The following TNFSF4 variants were observed in gnomAD, a reference collection of about 807,000 sequenced individuals.
TNFSF4 encodes tumor necrosis factor ligand superfamily member 4.
Under a neutral mutation model 7.3 loss-of-function variants are expected in TNFSF4, and 4 were observed. The ratio of observed to expected loss-of-function variants is 0.55; its 90% confidence interval spans 0.27 to 1.25. TNFSF4 has a LOEUF of 1.25. TNFSF4 is among the 50% of genes most tolerant of loss of function. The pLI is 0.12. For synonymous variants in TNFSF4, 76 were observed against 83.7 expected (o/e 0.91, Z 0.50); for missense variants, 181 against 208.8 (o/e 0.87, Z 0.82).
the TNFSF4 span, among the ~76,000 whole-genome samples, chr1:173,378,813 G>C: frequency 1.3e-5 from 2 of 151,360 alleles, no homozygotes; most frequent in East Asian, 3.9e-4. Flanking sequence ...ATAAGCCTCC[G>C]CTAATCTCCC....
chr1:173,296,466 C>A, the TNFSF4 span, among the ~76,000 whole-genome samples: 1 of 151,936 alleles, frequency 6.6e-6, no homozygotes, highest in African/African-American at 2.4e-5. Context: ...CAAAAAAATA[C>A]AGAGTTTTCA....
At chr1:173,269,638 C>T in the TNFSF4 span, among the ~76,000 whole-genome samples, 11 of 152,108 alleles carry the variant, frequency 7.2e-5, no homozygotes, top group Admixed American at 7.2e-4. Flanking sequence ...CATAGACACA[C>T]TGGACAAAGG....
chr1:173,340,700 G>A, the TNFSF4 span, among the ~76,000 whole-genome samples: 4 of 152,120 alleles, frequency 2.6e-5, no homozygotes, highest in African/African-American at 9.7e-5. Flanking sequence ...TCTCTCCCCA[G>A]CCATGGCCTG....
the TNFSF4 span, among the ~76,000 whole-genome samples, chr1:173,259,600 AAAC>A: frequency 6.6e-6 from 1 of 152,342 alleles, no homozygotes; most frequent in Non-Finnish European, 1.5e-5. Context: ...ATTCATGATA[AAAC>A]AATATGGGAG....
At chr1:173,287,693 C>T in the TNFSF4 span, among the ~76,000 whole-genome samples, 5 of 152,088 alleles carry the variant, frequency 3.3e-5, no homozygotes, top group East Asian at 3.9e-4. Flanking sequence ...AATAATAGAA[C>T]GGAGAAAAAT....
At chr1:173,311,967 T>G in the TNFSF4 span, among the ~76,000 whole-genome samples, 1 of 152,134 alleles carries the variant, frequency 6.6e-6, no homozygotes, top group African/African-American at 2.4e-5. Context: ...TAATATTTCT[T>G]GTTGCTTTTA....
the TNFSF4 span, among the ~76,000 whole-genome samples, chr1:173,272,515 C>T: frequency 2.6e-4 from 39 of 151,980 alleles, no homozygotes; most frequent in African/African-American, 9.2e-4. Flanking sequence ...CGTTTCCCAT[C>T]GAAATTCATG....
At chr1:173,307,742 C>T in the TNFSF4 span, among the ~76,000 whole-genome samples, 1 of 151,334 alleles carries the variant, frequency 6.6e-6, no homozygotes. Flanking sequence ...TAGGTACATA[C>T]ACACACACAC....
the TNFSF4 span, among the ~76,000 whole-genome samples, chr1:173,394,748 A>G: frequency 1.2e-4 from 19 of 152,008 alleles, no homozygotes; most frequent in African/African-American, 4.1e-4. Context: ...TGCAGATTCT[A>G]TTACACCACT....
At chr1:173,372,495 C>T in the TNFSF4 span, among the ~76,000 whole-genome samples, 2 of 152,188 alleles carry the variant, frequency 1.3e-5, no homozygotes, top group Admixed American at 6.5e-5. Flanking sequence ...TACTCAGACT[C>T]GTGGGACAAC....
At chr1:173,259,406 T>G in the TNFSF4 span, among the ~76,000 whole-genome samples, 2 of 150,954 alleles carry the variant, frequency 1.3e-5, no homozygotes, top group Non-Finnish European at 3.0e-5. Flanking sequence ...ACAAAAATGC[T>G]GAAAGCTCAA....
the TNFSF4 span, among the ~76,000 whole-genome samples, chr1:173,414,960 T>C: frequency 6.6e-6 from 1 of 152,196 alleles, no homozygotes; most frequent in Non-Finnish European, 1.5e-5. Context: ...CAATGAATCT[T>C]GTTAAGTCCA....
chr1:173,270,156 G>A, the TNFSF4 span, among the ~76,000 whole-genome samples: 1 of 152,112 alleles, frequency 6.6e-6, no homozygotes, highest in Non-Finnish European at 1.5e-5. Context: ...TACTAAAATG[G>A]GGAAGACCAT....
the TNFSF4 span, among the ~76,000 whole-genome samples, chr1:173,304,436 G>C: frequency 6.6e-6 from 1 of 151,946 alleles, no homozygotes; most frequent in Non-Finnish European, 1.5e-5. Flanking sequence ...TGGCTAGAGA[G>C]AATGGTTTAG....
chr1:173,401,843 G>C, the TNFSF4 span, among the ~76,000 whole-genome samples: 2 of 152,174 alleles, frequency 1.3e-5, no homozygotes, highest in Non-Finnish European at 2.9e-5. Flanking sequence ...GGAAAGGCTT[G>C]TCATTAATAA....
chr1:173,362,637 C>T, the TNFSF4 span: 1 of 461,374 alleles, frequency 2.2e-6, no homozygotes, highest in South Asian at 1.8e-5. Flanking sequence ...GATTAAAGGT[C>T]CTATGTCCAT....
At chr1:173,281,742 C>G in the TNFSF4 span, among the ~76,000 whole-genome samples, 2 of 152,190 alleles carry the variant, frequency 1.3e-5, no homozygotes, top group South Asian at 4.1e-4. Flanking sequence ...AAATCTTCAG[C>G]CAACATTATT....
the TNFSF4 span, among the ~76,000 whole-genome samples, chr1:173,356,593 T>C: frequency 6.6e-6 from 1 of 152,234 alleles, no homozygotes; most frequent in Non-Finnish European, 1.5e-5. Context: ...CTTTGCATTA[T>C]ACTCCTTCCA....
chr1:173,432,980 T>G, the TNFSF4 span, among the ~76,000 whole-genome samples: 2 of 152,232 alleles, frequency 1.3e-5, no homozygotes, highest in African/African-American at 2.4e-5. Context: ...AAAATATGTA[T>G]GTATGTACAT....
Sources: gnomAD v4.1 joint callset for allele counts (sites outside exome capture counted in the v4.1 genomes callset) on GRCh38, gnomAD v4.1.1 for gene constraint, MANE v1.5 for transcripts, NCBI Gene and HGNC (gene_info 2026-07-23, HGNC 2026-07-21) for gene names.